Variants in UNC5C observed in about 807,000 individuals in gnomAD.
UNC5C encodes the protein unc-5 netrin receptor C, also known as netrin receptor UNC5C.
UNC5C carries 47 observed loss-of-function variants against 99.8 expected under a neutral mutation model. That is an observed-to-expected ratio of 0.47 (90% confidence interval 0.37 to 0.60). The LOEUF is 0.60. Ranked by LOEUF, UNC5C falls within the 20% of genes least tolerant of loss-of-function variation. UNC5C has a pLI of 0.00. For synonymous variants in UNC5C, 487 were observed against 452.2 expected, an observed-to-expected ratio of 1.08 and a Z score of -0.98; for missense variants, 1,062 against 1,165.9, an observed-to-expected ratio of 0.91 and a Z score of 1.30.
Position 95,202,784 on chromosome 4 carries a change from G to A in UNC5C, c.2083C>T (p.Leu695=), listed in dbSNP as rs1285830247. ...CAGTAGACTCGGATGCTGTACTCCA[G>A]CGAGGAGCAGCACAGGGGCCCAAAG... ...AIFGPLCCSS[L]EYSIRVYCLD... The change falls in exon 12 of 16, where the codon CTG becomes TTG. Residue 695 remains leucine, a synonymous_variant. Coordinates refer to ENST00000453304, the MANE Select transcript of UNC5C (RefSeq NM_003728.4). 6.2e-7 allele frequency: 1 copy of A among 1,614,244 alleles called. No individual in the cohort carries two copies. The highest frequency in any genetic ancestry group is 1.6e-4 in the Middle Eastern group (1 of 6,062).
chr4:95,513,548 C>T (rs1390197461), intron 1 of UNC5C, among the ~76,000 whole-genome samples: 3 of 152,050 alleles, frequency 2.0e-5, no homozygotes, highest in African/African-American at 4.8e-5. Flanking sequence ...TTAATTTCCT[C>T]ACAAAATTCA....
chr4:95,269,873 C>A (rs1389637636), intron 4 of UNC5C, among the ~76,000 whole-genome samples: 3 of 151,930 alleles, frequency 2.0e-5, no homozygotes, highest in Non-Finnish European at 2.9e-5. Flanking sequence ...CCACCACGCC[C>A]GGCTAATTTT....
chr4:95,278,498 A>T, intron 3 of UNC5C, 136 bp from the exon 4 acceptor site: 1 of 656,302 alleles, frequency 1.5e-6, no homozygotes, highest in Non-Finnish European at 2.6e-6. Flanking sequence ...TTTTTGAGAC[A>T]GGGTCTCACT....
rs1350661826 is a variant in UNC5C at position 95,356,206 on chromosome 4, AAAAAAACAAAAC to A, written c.125-20587_125-20576del. ...AAGACCCTGTAGCAAAAAAAAAAAA[AAAAAAACAAAAC>A]AAAAAAAAAACAGATTCCTCGTTCT... On this transcript the variant is annotated intron_variant, in intron 1 of 15. Coordinates refer to ENST00000453304, the MANE Select transcript of UNC5C (RefSeq NM_003728.4). 2.0e-3 allele frequency among the ~76,000 whole-genome samples: 287 copies of A among 140,970 alleles called. 8 individuals carry two copies. The highest frequency in any genetic ancestry group is 7.0e-3 in the African/African-American group (262 of 37,188). The allele number at this position is 140,970 out of a possible 152,430, so 92.5% of individuals were successfully genotyped here.
intron 1 of UNC5C, among the ~76,000 whole-genome samples, chr4:95,512,400 A>G (rs1722100332): frequency 6.6e-6 from 1 of 152,126 alleles, no homozygotes; most frequent in Non-Finnish European, 1.5e-5. Flanking sequence ...ACCAAACAAT[A>G]AGAATTCCTC....
chr4:95,246,989 C>G (rs758364742), intron 5 of UNC5C, among the ~76,000 whole-genome samples: 3 of 151,698 alleles, frequency 2.0e-5, no homozygotes, highest in African/African-American at 7.3e-5. Flanking sequence ...TTACAGGAGC[C>G]AAGATTGCGC....
rs752328690 is a variant in UNC5C, at chr4:95,242,598, C to T, written c.944-5G>A. 12 of 1,560,480 alleles carry T rather than the reference C, an allele frequency of 7.7e-6. No individual in the cohort carries two copies. The East Asian group carries it at 2.8e-4, about 36-fold the overall frequency. On this transcript the variant is annotated splice_region_variant and splice_polypyrimidine_tract_variant and intron_variant, in intron 6 of 15. Transcript: ENST00000453304. ...ATGGCGTCCACCTGCCATCCACTGC[C>T]ATGGAAAAAATGCAGCAGGAGGTCA...
intron 3 of UNC5C, among the ~76,000 whole-genome samples, chr4:95,286,572 T>C (rs926572324): frequency 2.0e-5 from 3 of 152,238 alleles, no homozygotes; most frequent in African/African-American, 7.2e-5. Context: ...TTGTACCAGC[T>C]GATGGCTGAC....
intron 12 of UNC5C, among the ~76,000 whole-genome samples, chr4:95,187,433 A>G (rs1579210977): frequency 1.3e-5 from 2 of 152,116 alleles, no homozygotes; most frequent in East Asian, 1.9e-4. Flanking sequence ...GTACCCAACA[A>G]TGTATAATCC....
chr4:95,430,719 G>A (rs1746613029), intron 1 of UNC5C, among the ~76,000 whole-genome samples: 1 of 152,058 alleles, frequency 6.6e-6, no homozygotes, highest in Non-Finnish European at 1.5e-5. Flanking sequence ...GTTTTTCTCT[G>A]TAGGGTCTCA....
At chr4:95,505,367 C>A (rs143170488) in intron 1 of UNC5C, among the ~76,000 whole-genome samples, 3 of 152,144 alleles carry the variant, frequency 2.0e-5, no homozygotes, top group Admixed American at 6.6e-5. Flanking sequence ...AACATTTCAG[C>A]AACTTAATTG....
intron 14 of UNC5C, among the ~76,000 whole-genome samples, chr4:95,177,916 C>T (rs1220331512): frequency 6.6e-6 from 1 of 150,924 alleles, no homozygotes; most frequent in African/African-American, 2.4e-5. Flanking sequence ...CTGTGTTGTC[C>T]AGATTGGTCT....
At chr4:95,292,190 T>C (rs528342374) in intron 3 of UNC5C, among the ~76,000 whole-genome samples, 2 of 146,376 alleles carry the variant, frequency 1.4e-5, no homozygotes, top group South Asian at 4.3e-4. Flanking sequence ...ATTACATATA[T>C]ATATACACAT....
At chr4:95,361,372 T>G (rs928926365) in intron 1 of UNC5C, among the ~76,000 whole-genome samples, 1 of 152,196 alleles carries the variant, frequency 6.6e-6, no homozygotes, top group African/African-American at 2.4e-5. Flanking sequence ...TGCGTTCAAC[T>G]CAAGTTCTTG....
intron 1 of UNC5C, among the ~76,000 whole-genome samples, chr4:95,345,859 C>G (rs1006345364): frequency 2.6e-5 from 4 of 151,740 alleles, no homozygotes; most frequent in Admixed American, 2.0e-4. Context: ...AAAAGCAGTA[C>G]TAAGAGGAAA....
At chr4:95,533,443 T>C (rs1433540937) in intron 1 of UNC5C, among the ~76,000 whole-genome samples, 2 of 151,732 alleles carry the variant, frequency 1.3e-5, no homozygotes, top group Non-Finnish European at 2.9e-5. Flanking sequence ...TATTATTTTA[T>C]TAATATTTTA....
At chr4:95,545,145 G>T (rs1268496042) in intron 1 of UNC5C, among the ~76,000 whole-genome samples, 1 of 152,182 alleles carries the variant, frequency 6.6e-6, no homozygotes, top group Admixed American at 6.5e-5. Flanking sequence ...AGGACAACCA[G>T]CTCCAAACTA....
rs200326223 is a variant in UNC5C at position 95,220,095 on chromosome 4, A to G, written c.1190T>C (p.Val397Ala). The change falls in exon 8 of 16, where the codon GTG (valine) becomes GCG (alanine). Residue 397 changes from valine (V) to alanine (A), a missense_variant. Coordinates refer to ENST00000453304, the MANE Select transcript of UNC5C (RefSeq NM_003728.4). ...ATTCTTCCGATACACAAACAAGGCC[A>G]CAACTACAGAGATCGCCAGGCAAAC... ...VIVCLAISVV[V>A]ALFVYRKNHR... 1.9e-6 allele frequency: 3 copies of G among 1,614,194 alleles called. No individual in the cohort carries two copies. The highest frequency in any genetic ancestry group is 2.2e-5 in the East Asian group (1 of 44,874).
intron 14 of UNC5C, among the ~76,000 whole-genome samples, chr4:95,172,401 C>T (rs7693093): frequency 0.56 from 84,078 of 150,186 alleles, 23,838 homozygotes; most frequent in Middle Eastern, 0.68. Flanking sequence ...TAATCCATCT[C>T]GAATTGATTT....
Sources: gnomAD v4.1 joint callset for allele counts (sites outside exome capture counted in the v4.1 genomes callset) on GRCh38, gnomAD v4.1.1 for gene constraint, MANE v1.5 for transcripts, NCBI Gene and HGNC (gene_info 2026-07-23, HGNC 2026-07-21) for gene names.